PREP: variants seen among roughly 807,000 people sequenced by gnomAD.
PREP encodes the protein prolyl endopeptidase.
A neutral mutation model predicts 87.6 loss-of-function variants in PREP; 29 were observed. That is an observed-to-expected ratio of 0.33 (90% CI 0.25 to 0.45). The LOEUF is 0.45. Ranked by LOEUF, PREP falls within the 20% of genes least tolerant of loss-of-function variation. The pLI, the probability that PREP is intolerant of heterozygous loss-of-function variation, is 1.00. For missense variants in PREP, 695 were observed against 886.5 expected (o/e 0.78, Z 2.74); for synonymous variants, 337 against 328.6 (o/e 1.03, Z -0.28).
At chr6:105,355,093 T>C (rs1772058516) in intron 6 of PREP, among the ~76,000 whole-genome samples, 1 of 75,536 alleles carries the variant, frequency 1.3e-5, no homozygotes. Context: ...CGGGTTGTAG[T>C]TTTTTTTTTT....
At chr6:105,303,132 T>C (rs970765177) in intron 10 of PREP, among the ~76,000 whole-genome samples, 13 of 152,010 alleles carry the variant, frequency 8.6e-5, no homozygotes, top group Non-Finnish European at 1.0e-4. Flanking sequence ...TGTATGTATG[T>C]ATGTATGTAT....
chr6:105,304,287 T>C lies in PREP; in HGVS notation c.1318-15393A>G, dbSNP rs574244727. The stretch of plus-strand genomic sequence containing the variant: ...TGTATGCAAATGCCGTGCCATTTTA[T>C]ATAACAAACTTGAACATCCTCAGAT... On this transcript the variant is annotated intron_variant, in intron 10 of 14. Coordinates refer to ENST00000652536, the MANE Select transcript of PREP (RefSeq NM_002726.5). Among the ~76,000 whole-genome samples, 5 of 152,338 alleles carry C rather than the reference T, an allele frequency of 3.3e-5. No homozygotes were observed. The South Asian group carries it at 1.0e-3, about 32-fold the overall frequency.
intron 1 of PREP, among the ~76,000 whole-genome samples, chr6:105,398,423 A>C (rs977220434): frequency 3.3e-5 from 5 of 152,254 alleles, no homozygotes; most frequent in African/African-American, 1.2e-4. Flanking sequence ...GCCAAAAAGC[A>C]AGTTACTAAT....
chr6:105,349,898 TAAAAAAAAAA>T (rs1162063177), intron 7 of PREP, among the ~76,000 whole-genome samples: 1,312 of 59,464 alleles, frequency 0.022, 38 homozygotes, highest in African/African-American at 0.065. Flanking sequence ...GGGAAGCAGG[TAAAAAAAAAA>T]AAAAAAAAAA....
In PREP at chr6:105,277,332, T is replaced by C. The variant is rs1235281092; in HGVS notation, c.*812A>G. 6.6e-6 allele frequency among the ~76,000 whole-genome samples: 1 copy of C among 152,132 alleles called. No individual in the cohort carries two copies. Among genetic ancestry groups the C allele is most frequent in the African/African-American group, 2.4e-5 (1 of 41,426 alleles). ...TCATGTGATCTCTTGGAACCAAGGA[T>C]CCTTGGATCCAAGGAACTCTGATTT... On this transcript the variant is annotated 3_prime_UTR_variant, in exon 15 of 15. Transcript: ENST00000652536.
intron 7 of PREP, among the ~76,000 whole-genome samples, chr6:105,335,320 G>T (rs1771451053): frequency 2.0e-5 from 3 of 152,188 alleles, no homozygotes; most frequent in Non-Finnish European, 4.4e-5. Context: ...ATTTCACAGT[G>T]AAATTGCTAC....
rs1156558416 is a variant in PREP, at chr6:105,275,389, T to G, written c.*2755A>C. ...GATTAATTGGAAAGTTTTATAATAT[T>G]CCAGGTAAGTCCATAGTGAACATAA... On this transcript the variant is annotated 3_prime_UTR_variant, in exon 15 of 15. Coordinates refer to ENST00000652536, the MANE Select transcript of PREP (RefSeq NM_002726.5). Among the ~76,000 whole-genome samples, 2 of 152,224 alleles carry G rather than the reference T, an allele frequency of 1.3e-5. No individual in the cohort carries two copies. The highest frequency in any genetic ancestry group is 2.9e-5 in the Non-Finnish European group (2 of 68,042).
intron 6 of PREP, among the ~76,000 whole-genome samples, chr6:105,355,711 T>A (rs1162653728): frequency 1.3e-5 from 2 of 152,226 alleles, no homozygotes; most frequent in East Asian, 3.8e-4. Context: ...ATTCTAGAAC[T>A]TCAAATACAT....
rs1477570416 is a variant in PREP at position 105,275,685 on chromosome 6, G to A, written c.*2459C>T. On this transcript the variant is annotated 3_prime_UTR_variant, in exon 15 of 15. Coordinates refer to ENST00000652536, the MANE Select transcript of PREP (RefSeq NM_002726.5). ...CAGCCAAGATAGGGAATCAACCCAC[G>A]TGCCCATCAGCAGATGAACAGATGA... Among the ~76,000 whole-genome samples the A allele has an allele frequency of 6.6e-6, 1 of 152,106 alleles. No homozygotes were observed. The highest frequency in any genetic ancestry group is 1.5e-5 in the Non-Finnish European group (1 of 68,038).
intron 10 of PREP, among the ~76,000 whole-genome samples, chr6:105,293,292 C>T (rs1770337894): frequency 6.6e-6 from 1 of 152,002 alleles, no homozygotes; most frequent in Non-Finnish European, 1.5e-5. Context: ...TGTTAATCGC[C>T]CTAATTGAGA....
intron 11 of PREP, among the ~76,000 whole-genome samples, chr6:105,286,366 C>T (rs1473797480): frequency 6.6e-6 from 1 of 152,150 alleles, no homozygotes; most frequent in African/African-American, 2.4e-5. Context: ...TTAGCCAACA[C>T]AGGGTGTGCA....
chr6:105,291,128 A>AG (rs1443439139), intron 10 of PREP, among the ~76,000 whole-genome samples: 2 of 152,220 alleles, frequency 1.3e-5, no homozygotes, highest in African/African-American at 4.8e-5. Context: ...ATTGCTAAAA[A>AG]AAACACTAAT....
chr6:105,340,053 T>C (rs898404692), intron 7 of PREP, among the ~76,000 whole-genome samples: 10 of 151,952 alleles, frequency 6.6e-5, no homozygotes, highest in African/African-American at 2.2e-4. Context: ...GCCACAGAGA[T>C]ACTCCTCGAG....
At chr6:105,390,188 C>T (rs944349847) in intron 2 of PREP, among the ~76,000 whole-genome samples, 2 of 152,100 alleles carry the variant, frequency 1.3e-5, no homozygotes, top group African/African-American at 4.8e-5. Context: ...TTGCCATAGC[C>T]TCTTAATCAG....
intron 2 of PREP, among the ~76,000 whole-genome samples, chr6:105,395,287 A>C (rs1773259956): frequency 6.6e-6 from 1 of 152,226 alleles, no homozygotes; most frequent in African/African-American, 2.4e-5. Context: ...TTTAGCTCGC[A>C]TCTGCAAAGT....
At chr6:105,304,047 C>G (rs945641083) in intron 10 of PREP, among the ~76,000 whole-genome samples, 8 of 152,200 alleles carry the variant, frequency 5.3e-5, no homozygotes, top group Non-Finnish European at 1.2e-4. Context: ...GAGGTCTATA[C>G]AGTTGGCTCT....
chr6:105,317,614 C>A (rs1770910650), intron 10 of PREP, among the ~76,000 whole-genome samples: 2 of 152,124 alleles, frequency 1.3e-5, no homozygotes, highest in Admixed American at 1.3e-4. Context: ...TGGGTTCGTG[C>A]CATGCTTCCA....
Position 105,335,711 on chromosome 6 carries a change from G to GA in PREP, c.824-2207dup, listed in dbSNP as rs1331983327. Among the ~76,000 whole-genome samples the GA allele has an allele frequency of 2.6e-5, 4 of 152,052 alleles. No individual in the cohort carries two copies. The East Asian group carries it at 7.7e-4, about 29-fold the overall frequency. ...TTAAGACCATCCTGGCTAACACAGT[G>GA]AAACCCCGTCTTTACTAAAAAATAC... On this transcript the variant is annotated intron_variant, in intron 7 of 14. Coordinates refer to ENST00000652536, the MANE Select transcript of PREP (RefSeq NM_002726.5).
chr6:105,310,300 T>A (rs1342380631), intron 10 of PREP, among the ~76,000 whole-genome samples: 1 of 152,198 alleles, frequency 6.6e-6, no homozygotes, highest in African/African-American at 2.4e-5. Flanking sequence ...TACAAAAATA[T>A]GTAAAAGCAT....
Sources: allele counts gnomAD v4.1 joint callset (sites outside exome capture counted in the v4.1 genomes callset), GRCh38; gene constraint gnomAD v4.1.1; transcripts MANE v1.5; gene names NCBI Gene and HGNC (gene_info 2026-07-23, HGNC 2026-07-21).